ST6GALNAC3: variants seen among roughly 807,000 people sequenced by gnomAD.
ST6GALNAC3 encodes the protein alpha-N-acetylgalactosaminide alpha-2,6-sialyltransferase 3.
ST6GALNAC3 carries 25 observed loss-of-function variants against 32.7 expected under a neutral mutation model. The ratio of observed to expected loss-of-function variants is 0.76; its 90% CI spans 0.56 to 1.07. The LOEUF is 1.07. Among genes scored for constraint, ST6GALNAC3 ranks in the 50% least tolerant of loss-of-function variants. The probability of loss-of-function intolerance (pLI) is 0.00; values close to 1 mark genes in which losing one functional copy is unlikely to be tolerated. For missense variants in ST6GALNAC3, 355 were observed against 382.4 expected (o/e 0.93, Z 0.60); for synonymous variants, 129 against 133.1 (o/e 0.97, Z 0.21).
intron 3 of ST6GALNAC3, among the ~76,000 whole-genome samples, chr1:76,450,082 G>A (rs973071597): frequency 2.0e-5 from 3 of 152,136 alleles, no homozygotes; most frequent in Non-Finnish European, 2.9e-5. Flanking sequence ...TTTCCTCTGG[G>A]TACATATCCA....
At chr1:76,164,743 A>G (rs977676280) in intron 1 of ST6GALNAC3, among the ~76,000 whole-genome samples, 28 of 152,314 alleles carry the variant, frequency 1.8e-4, no homozygotes, top group African/African-American at 6.5e-4. Flanking sequence ...AATCTTAAAG[A>G]TAAAAATAAT....
chr1:76,166,392 G>A (rs1277243589), intron 1 of ST6GALNAC3, among the ~76,000 whole-genome samples: 1 of 152,094 alleles, frequency 6.6e-6, no homozygotes, highest in Non-Finnish European at 1.5e-5. Flanking sequence ...ATGCTGTTTG[G>A]TTACTGTAGC....
chr1:76,627,983 A>C (rs1040876215), intron 4 of ST6GALNAC3, among the ~76,000 whole-genome samples: 1 of 152,006 alleles, frequency 6.6e-6, no homozygotes, highest in Non-Finnish European at 1.5e-5. Context: ...CTGACAGCTT[A>C]ACAAGAATTC....
chr1:76,319,111 T>C (rs1646920772), intron 2 of ST6GALNAC3, among the ~76,000 whole-genome samples: 2 of 152,146 alleles, frequency 1.3e-5, no homozygotes, highest in Admixed American at 1.3e-4. Context: ...CCAGATCTTA[T>C]TGGTAATCAG....
intron 2 of ST6GALNAC3, among the ~76,000 whole-genome samples, chr1:76,364,623 A>G (rs537360025): frequency 6.6e-6 from 1 of 152,174 alleles, no homozygotes; most frequent in East Asian, 1.9e-4. Context: ...ATTAGAATCT[A>G]CAAGGAACTC....
intron 3 of ST6GALNAC3, among the ~76,000 whole-genome samples, chr1:76,563,018 A>G (rs1252526646): frequency 6.6e-6 from 1 of 152,192 alleles, no homozygotes; most frequent in Admixed American, 6.5e-5. Flanking sequence ...CTGAGAAGGT[A>G]CTATCCACAC....
At chr1:76,259,702 AT>A (rs1658116842) in intron 1 of ST6GALNAC3, among the ~76,000 whole-genome samples, 1 of 152,140 alleles carries the variant, frequency 6.6e-6, no homozygotes, top group African/African-American at 2.4e-5. Flanking sequence ...CCTTCTCTCT[AT>A]TAGTATATAA....
At chr1:76,406,885 G>A (rs906294691) in intron 2 of ST6GALNAC3, among the ~76,000 whole-genome samples, 1 of 151,796 alleles carries the variant, frequency 6.6e-6, no homozygotes, top group African/African-American at 2.4e-5. Context: ...ATGAATTAAG[G>A]TAACTTGAAA....
At chr1:76,266,567 G>T (rs911570391) in intron 1 of ST6GALNAC3, among the ~76,000 whole-genome samples, 13 of 152,178 alleles carry the variant, frequency 8.5e-5, no homozygotes, top group African/African-American at 2.9e-4. Context: ...ATTCTCTAAA[G>T]CCTAGAGGAT....
Position 76,338,937 on chromosome 1 carries a change from G to C in ST6GALNAC3, c.213+24938G>C, listed in dbSNP as rs558335234. 9.2e-5 allele frequency among the ~76,000 whole-genome samples: 14 copies of C among 152,312 alleles called. No homozygotes were observed. The South Asian group carries it at 2.9e-3, about 32-fold the overall frequency. On this transcript the variant is annotated intron_variant, in intron 2 of 4. Transcript: ENST00000328299. ...GTCAAGATGAGTGTATAGTAGGAGA[G>C]TCTGGAATAGCTCTCCAACCACTGT...
intron 4 of ST6GALNAC3, 127 bp downstream of exon 4, chr1:76,627,686 C>A: frequency 1.2e-6 from 1 of 801,724 alleles, no homozygotes; most frequent in Non-Finnish European, 2.0e-6. Flanking sequence ...GTGTTCTTTG[C>A]TGACATGACA....
At chr1:76,324,578 A>G (rs1647031593) in intron 2 of ST6GALNAC3, among the ~76,000 whole-genome samples, 2 of 152,208 alleles carry the variant, frequency 1.3e-5, no homozygotes, top group Non-Finnish European at 2.9e-5. Flanking sequence ...ACGTGATGAC[A>G]ACTCCTCTAA....
In ST6GALNAC3 at chr1:76,402,282, A is replaced by T. The variant is rs78205651; in HGVS notation, c.214-9726A>T. ...TTATGCAAGCCACATTCTTCTCCTTATTCCTAAAATAAGCCTAGTCTTAGA... is the reference window on the plus strand; with the variant it reads ...TTATGCAAGCCACATTCTTCTCCTTTTTCCTAAAATAAGCCTAGTCTTAGA... On this transcript the variant is annotated intron_variant, in intron 2 of 4. Coordinates refer to ENST00000328299, the MANE Select transcript of ST6GALNAC3 (RefSeq NM_152996.4). Among the ~76,000 whole-genome samples the T allele has an allele frequency of 7.0e-3, 1,059 of 152,244 alleles. 12 individuals carry two copies. Among genetic ancestry groups the T allele is most frequent in the African/African-American group, 0.024 (1,017 of 41,548 alleles).
At chr1:76,251,951 TA>T (rs1657641588) in intron 1 of ST6GALNAC3, among the ~76,000 whole-genome samples, 1 of 152,192 alleles carries the variant, frequency 6.6e-6, no homozygotes, top group Non-Finnish European at 1.5e-5. Flanking sequence ...AAACTATGAT[TA>T]AATCTCACCC....
At chr1:76,260,101 T>TGATCTGTGACTATGGCAAGCAGGA (rs1553170354) in intron 1 of ST6GALNAC3, among the ~76,000 whole-genome samples, 3 of 152,110 alleles carry the variant, frequency 2.0e-5, no homozygotes, top group Non-Finnish European at 4.4e-5. Context: ...GACCTGTAGG[T>TGATCTGTGACTATGGCAAGCAGGA]GATCTGTGAC....
intron 1 of ST6GALNAC3, among the ~76,000 whole-genome samples, chr1:76,167,053 G>T (rs941399009): frequency 6.6e-6 from 1 of 152,190 alleles, no homozygotes; most frequent in African/African-American, 2.4e-5. Flanking sequence ...AGAGTGGTGA[G>T]AGAGGGCATC....
At chr1:76,302,969 C>A (rs562704164) in intron 1 of ST6GALNAC3, among the ~76,000 whole-genome samples, 1 of 151,924 alleles carries the variant, frequency 6.6e-6, no homozygotes, top group Non-Finnish European at 1.5e-5. Context: ...CCAAATACCC[C>A]CTAGAGGTTT....
At position 76,481,575 on chromosome 1, in the gene ST6GALNAC3, G is replaced by C. The variant is rs534497862; in HGVS notation, c.623+69158G>C. Among the ~76,000 whole-genome samples, 5 of 152,266 alleles carry C rather than the reference G, an allele frequency of 3.3e-5. No individual in the cohort carries two copies. The South Asian group carries it at 1.0e-3, about 32-fold the overall frequency. On this transcript the variant is annotated intron_variant, in intron 3 of 4. Coordinates refer to ENST00000328299, the MANE Select transcript of ST6GALNAC3 (RefSeq NM_152996.4). ...TTTCTTTCAAATGGAGATCTCATAA[G>C]AGCTATTATTTAACAGTATCCCAAA...
intron 1 of ST6GALNAC3, among the ~76,000 whole-genome samples, chr1:76,102,237 G>GTGTGTT (rs1647256414): frequency 2.5e-5 from 1 of 40,466 alleles, no homozygotes. Context: ...TGGTGTGTTT[G>GTGTGTT]TGTGTGTGTG....
Sources: allele counts gnomAD v4.1 joint callset (sites outside exome capture counted in the v4.1 genomes callset), GRCh38; gene constraint gnomAD v4.1.1; transcripts MANE v1.5; gene names NCBI Gene and HGNC (gene_info 2026-07-23, HGNC 2026-07-21).